The following KIAA1328 variants were observed in gnomAD, a reference collection of about 807,000 sequenced individuals.
KIAA1328 encodes the protein KIAA1328.
KIAA1328 carries 52 observed loss-of-function variants against 68.1 expected under a neutral mutation model. The ratio of observed to expected loss-of-function variants is 0.76; its 90% CI spans 0.61 to 0.96. The LOEUF (loss-of-function observed/expected upper bound fraction) is 0.96. KIAA1328 is among the 40% of genes least tolerant of loss of function. The probability of loss-of-function intolerance (pLI) is 0.00; values close to 1 mark genes in which losing one functional copy is unlikely to be tolerated. For missense variants in KIAA1328, 641 were observed against 677.6 expected (o/e 0.95, Z 0.60); for synonymous variants, 232 against 239.4 (o/e 0.97, Z 0.28).
At chr18:36,969,992 G>C (rs2052115296) in intron 6 of KIAA1328, among the ~76,000 whole-genome samples, 1 of 152,176 alleles carries the variant, frequency 6.6e-6, no homozygotes, top group Admixed American at 6.5e-5. Context: ...AAACCTGGCA[G>C]AGACACAGCA....
chr18:36,921,549 G>A (rs571816273), intron 5 of KIAA1328, among the ~76,000 whole-genome samples: 11 of 151,706 alleles, frequency 7.3e-5, no homozygotes, highest in East Asian at 3.9e-4. Flanking sequence ...GACTACAGGC[G>A]CCCACCACCA....
At chr18:36,865,706 C>A (rs1049249883) in intron 4 of KIAA1328, among the ~76,000 whole-genome samples, 1 of 152,010 alleles carries the variant, frequency 6.6e-6, no homozygotes, top group Non-Finnish European at 1.5e-5. Context: ...TGATGGATGC[C>A]CTCTTCTCCC....
intron 7 of KIAA1328, among the ~76,000 whole-genome samples, chr18:37,073,496 T>C (rs1207654909): frequency 6.6e-6 from 1 of 152,240 alleles, no homozygotes; most frequent in African/African-American, 2.4e-5. Flanking sequence ...TATTAAAAGG[T>C]TCCACATGTC....
chr18:37,074,220 T>A (rs1482054979), intron 7 of KIAA1328, among the ~76,000 whole-genome samples: 1 of 152,212 alleles, frequency 6.6e-6, no homozygotes, highest in Non-Finnish European at 1.5e-5. Context: ...TCTATGACTT[T>A]GGAGTTTCTA....
intron 6 of KIAA1328, among the ~76,000 whole-genome samples, chr18:36,989,679 A>T (rs2053091123): frequency 6.6e-6 from 1 of 152,110 alleles, no homozygotes; most frequent in African/African-American, 2.4e-5. Context: ...TGTTGTTAGT[A>T]TACTACTTTT....
At chr18:36,857,150 G>A (rs913229342) in intron 4 of KIAA1328, among the ~76,000 whole-genome samples, 1 of 152,104 alleles carries the variant, frequency 6.6e-6, no homozygotes, top group Non-Finnish European at 1.5e-5. Context: ...CCTTTTATAA[G>A]GTCTTTTCTG....
At chr18:36,985,683 C>G (rs947648616) in intron 6 of KIAA1328, among the ~76,000 whole-genome samples, 2 of 152,068 alleles carry the variant, frequency 1.3e-5, no homozygotes, top group East Asian at 3.9e-4. Flanking sequence ...TACTGTGGCT[C>G]CATATACCCC....
chr18:36,958,678 T>G (rs2051523486), intron 5 of KIAA1328, among the ~76,000 whole-genome samples: 1 of 152,186 alleles, frequency 6.6e-6, no homozygotes, highest in South Asian at 2.1e-4. Context: ...CACTTTTAAA[T>G]TGTACTAATT....
At chr18:37,225,413 T>C, downstream of KIAA1328, 3 of 584,470 alleles carry the variant, frequency 5.1e-6, no homozygotes, top group Non-Finnish European at 6.5e-6. Flanking sequence ...AGTGCAGACC[T>C]GCAGGTTATC....
intron 5 of KIAA1328, among the ~76,000 whole-genome samples, chr18:36,891,486 A>G (rs2048685526): frequency 6.6e-6 from 1 of 152,062 alleles, no homozygotes; most frequent in East Asian, 1.9e-4. Flanking sequence ...TGAGTCCCCA[A>G]AGTCCGTTAT....
intron 5 of KIAA1328, among the ~76,000 whole-genome samples, chr18:36,900,739 C>T (rs534548343): frequency 4.9e-4 from 74 of 152,046 alleles, no homozygotes; most frequent in Non-Finnish European, 8.4e-4. Context: ...AGTGTCTTTA[C>T]GCAGTCCCTA....
chr18:36,835,684 T>A (rs974630827), intron 3 of KIAA1328, among the ~76,000 whole-genome samples: 4 of 152,238 alleles, frequency 2.6e-5, no homozygotes, highest in Non-Finnish European at 5.9e-5. Context: ...TGAGAATTGC[T>A]TTTTAATTAG....
At chr18:37,144,405 T>C (rs745940918) in intron 7 of KIAA1328, among the ~76,000 whole-genome samples, 3 of 152,090 alleles carry the variant, frequency 2.0e-5, no homozygotes, top group Non-Finnish European at 4.4e-5. Flanking sequence ...TACTCTTTAC[T>C]GTTTCCTTCC....
At chr18:37,150,236 C>A (rs749566784) in intron 7 of KIAA1328, among the ~76,000 whole-genome samples, 1 of 152,134 alleles carries the variant, frequency 6.6e-6, no homozygotes, top group Non-Finnish European at 1.5e-5. Context: ...AACAGGGTGT[C>A]TCAGCCTTGG....
intron 6 of KIAA1328, among the ~76,000 whole-genome samples, chr18:36,999,490 A>T (rs909217388): frequency 6.6e-6 from 1 of 152,234 alleles, no homozygotes; most frequent in Admixed American, 6.5e-5. Flanking sequence ...TCTGAAATAA[A>T]AAATAGAGCA....
chr18:37,006,079 G>A (rs2053770314), intron 6 of KIAA1328, among the ~76,000 whole-genome samples: 1 of 151,936 alleles, frequency 6.6e-6, no homozygotes, highest in Admixed American at 6.6e-5. Flanking sequence ...TTGTAATCAG[G>A]TGACAGATAC....
chr18:37,088,589 A>C (rs997798172), intron 7 of KIAA1328, among the ~76,000 whole-genome samples: 3 of 151,872 alleles, frequency 2.0e-5, no homozygotes, highest in African/African-American at 7.2e-5. Context: ...TATTTTTAAT[A>C]CTATTCATGT....
intron 6 of KIAA1328, among the ~76,000 whole-genome samples, chr18:37,052,461 G>A (rs2055737449): frequency 1.3e-5 from 2 of 152,042 alleles, no homozygotes; most frequent in Admixed American, 1.3e-4. Context: ...CACCATTCCT[G>A]TTCAACGTAG....
At chr18:37,148,337 A>G (rs1036156356) in intron 7 of KIAA1328, among the ~76,000 whole-genome samples, 7 of 152,128 alleles carry the variant, frequency 4.6e-5, no homozygotes, top group African/African-American at 1.7e-4. Context: ...ATAGTATTCC[A>G]TGGTGTATAT....
Sources: allele counts gnomAD v4.1 joint callset (sites outside exome capture counted in the v4.1 genomes callset), GRCh38; gene constraint gnomAD v4.1.1; transcripts MANE v1.5; gene names NCBI Gene and HGNC (gene_info 2026-07-23, HGNC 2026-07-21).